TRIP12: variants seen among roughly 807,000 people sequenced by gnomAD.
The protein encoded by TRIP12 is thyroid hormone receptor interactor 12, also known as E3 ubiquitin-protein ligase TRIP12.
TRIP12 carries 25 observed loss-of-function variants against 244.2 expected under a neutral mutation model. The observed-to-expected ratio is 0.10, with a 90% confidence interval of 0.07 to 0.14. The LOEUF (loss-of-function observed/expected upper bound fraction) is 0.14. Among genes scored for constraint, TRIP12 ranks in the 10% least tolerant of loss-of-function variants. The probability of loss-of-function intolerance (pLI) is 1.00; values close to 1 mark genes in which losing one functional copy is unlikely to be tolerated. For synonymous variants in TRIP12, 905 were observed against 873.1 expected (o/e 1.04, Z -0.64); for missense variants, 1,677 against 2,486.4 (o/e 0.67, Z 6.92).
intron 2 of TRIP12, among the ~76,000 whole-genome samples, chr2:229,865,318 CAAAAAAAAAAAA>C (rs767610234): frequency 4.5e-5 from 3 of 66,996 alleles, no homozygotes; most frequent in African/African-American, 2.3e-4. Flanking sequence ...CTCTCAACTA[CAAAAAAAAAAAA>C]AAAAAAAAAA....
chr2:229,842,307 T>C (rs898705404), intron 4 of TRIP12, among the ~76,000 whole-genome samples: 17 of 152,222 alleles, frequency 1.1e-4, no homozygotes, highest in African/African-American at 4.1e-4. Context: ...ATATGCCTAA[T>C]ATCCTATGCT....
chr2:229,898,162 A>G (rs551993622), intron 1 of TRIP12, among the ~76,000 whole-genome samples: 6 of 152,348 alleles, frequency 3.9e-5, no homozygotes, highest in African/African-American at 1.4e-4. Flanking sequence ...TTCCATTCTT[A>G]AGGATTTCAT....
At position 229,764,621 on chromosome 2, in the gene TRIP12, T is replaced by C. The variant is rs1303607459; in HGVS notation, c.*2933A>G. On this transcript the variant is annotated 3_prime_UTR_variant, in exon 42 of 42. Coordinates refer to ENST00000675903, the MANE Select transcript of TRIP12 (RefSeq NM_001348323.3). ...CTAAGCCAGAAGGAAGACGGCAAAC[T>C]TACAACTTACTCGCGACAGTCCTCA... 6.6e-6 allele frequency: 1 copy of C among 152,226 alleles called. No individual in the cohort carries two copies. Among genetic ancestry groups the C allele is most frequent in the Non-Finnish European group, 1.5e-5 (1 of 68,046 alleles). 9.4% of individuals were successfully genotyped at this position (152,226 alleles called of 1,614,324 possible).
rs535387581 is a variant in TRIP12, at chr2:229,794,343, G to C, written c.3968+836C>G. On this transcript the variant is annotated intron_variant, in intron 26 of 41. Transcript: ENST00000675903. ...GCACTTTGGGAGGCCAAGGCAGGAG[G>C]ATCACTTGGGCCCAAGAGTTTGAGA... is the stretch of plus-strand genomic sequence containing the variant. Among the ~76,000 whole-genome samples the C allele has an allele frequency of 1.2e-3, 188 of 152,240 alleles. 1 individual carries two copies. The highest frequency in any genetic ancestry group is 0.01 in the Middle Eastern group (3 of 294).
chr2:229,864,047 A>AGAGAGAGAGTGAGTGT, intron 2 of TRIP12, among the ~76,000 whole-genome samples: 77 of 79,276 alleles, frequency 9.7e-4, no homozygotes, highest in South Asian at 3.6e-3. Flanking sequence ...AGAGAGAGAG[A>AGAGAGAGAGTGAGTGT]GTGTGTGTGT....
chr2:229,830,986 T>C (rs1447501855), intron 6 of TRIP12, 147 bp from the exon 7 acceptor site: 5 of 694,224 alleles, frequency 7.2e-6, no homozygotes, highest in Admixed American at 4.8e-5. Context: ...GCTGTTCTTC[T>C]AGACTTTATC....
intron 8 of TRIP12, among the ~76,000 whole-genome samples, chr2:229,827,452 C>T (rs892157873): frequency 1.3e-5 from 2 of 151,880 alleles, no homozygotes; most frequent in Non-Finnish European, 2.9e-5. Flanking sequence ...AAGCTTTTTC[C>T]TATTTTGAAA....
chr2:229,910,600 C>A (rs2074072397), intron 1 of TRIP12, among the ~76,000 whole-genome samples: 1 of 151,828 alleles, frequency 6.6e-6, no homozygotes, highest in Non-Finnish European at 1.5e-5. Context: ...GACAAGATAC[C>A]TGGAAAAAAT....
Position 229,796,669 on chromosome 2 carries a change from C to T in TRIP12, c.3738G>A (p.Leu1246=). Residue 1246 remains leucine (L), a synonymous_variant, in exon 25 of 42, where the codon TTG becomes TTA. Coordinates refer to ENST00000675903, the MANE Select transcript of TRIP12 (RefSeq NM_001348323.3). ...CAGCATCCTTTTCACTTTTAGATGT[C>T]AAATAAAGCAACAGCTGCTTCACAA... ...SGFVKQLLLY[L]TSKSEKDAVS... is the part of the protein sequence containing the mutation. The T allele has an allele frequency of 6.2e-7, 1 of 1,613,068 alleles. No individual in the cohort carries two copies. Among genetic ancestry groups the T allele is most frequent in the South Asian group, 1.1e-5 (1 of 90,840 alleles).
chr2:229,908,317 A>G lies in TRIP12; in HGVS notation c.-50+13563T>C, dbSNP rs555019769. Among the ~76,000 whole-genome samples, 11 of 152,374 alleles carry G rather than the reference A, an allele frequency of 7.2e-5. No homozygotes were observed. The South Asian group carries it at 2.3e-3, about 32-fold the overall frequency. ...AACCAGGAATTTAAATCTGAATTCA[A>G]GGTGGGCAAATATATACAGATGCAA... On this transcript the variant is annotated intron_variant, in intron 1 of 41. Transcript: ENST00000675903.
intron 17 of TRIP12, chr2:229,806,141 T>C (rs2045824169): frequency 3.3e-6 from 1 of 302,788 alleles, no homozygotes; most frequent in African/African-American, 2.1e-5. Flanking sequence ...AAAATCTTGA[T>C]GAAAGATCCA....
intron 37 of TRIP12, 94 bp from the exon 38 acceptor site, chr2:229,774,355 T>C (rs2035539326): frequency 7.6e-7 from 1 of 1,322,072 alleles, no homozygotes; most frequent in African/African-American, 1.5e-5. Context: ...ATATAAGCTA[T>C]CCTAATAAAG....
At chr2:229,837,957 G>C (rs1453651759) in intron 5 of TRIP12, among the ~76,000 whole-genome samples, 1 of 151,982 alleles carries the variant, frequency 6.6e-6, no homozygotes, top group Non-Finnish European at 1.5e-5. Flanking sequence ...GCAAACCAGG[G>C]AGAAGCAAAA....
chr2:229,791,666 A>G (rs1327010559), intron 29 of TRIP12, 200 bp downstream of exon 29: 6 of 602,862 alleles, frequency 1.0e-5, no homozygotes, highest in African/African-American at 7.4e-5. Flanking sequence ...ATGGATATAC[A>G]TTTTCCGGTA....
intron 1 of TRIP12, among the ~76,000 whole-genome samples, chr2:229,896,985 T>C (rs868176683): frequency 5.3e-5 from 8 of 152,288 alleles, no homozygotes; most frequent in East Asian, 1.9e-4. Flanking sequence ...TAATAACATA[T>C]CAATGTAGGT....
intron 6 of TRIP12, among the ~76,000 whole-genome samples, chr2:229,835,860 G>A (rs898189341): frequency 9.2e-5 from 14 of 152,232 alleles, no homozygotes; most frequent in Non-Finnish European, 1.9e-4. Context: ...TTAATGAGTT[G>A]CAATTAAATG....
intron 1 of TRIP12, among the ~76,000 whole-genome samples, chr2:229,919,665 A>G (rs746123308): frequency 3.9e-5 from 6 of 152,208 alleles, no homozygotes; most frequent in Non-Finnish European, 1.5e-5. Flanking sequence ...TAAGTAGTAT[A>G]AATGTCAGCT....
At chr2:229,914,530 GAAGA>G (rs1395021387) in intron 1 of TRIP12, among the ~76,000 whole-genome samples, 3 of 152,180 alleles carry the variant, frequency 2.0e-5, no homozygotes, top group Admixed American at 6.5e-5. Flanking sequence ...AATTACAACT[GAAGA>G]GAGAATTTCA....
chr2:229,859,375 A>G lies in TRIP12; in HGVS notation c.424T>C (p.Ser142Pro). The change falls in exon 4 of 42, where the codon TCT becomes CCT. Residue 142 changes from serine (S) to proline (P), a missense_variant. Ser to Pro is a moderately conservative substitution (Grantham distance 74). Around this residue, in one of 11 missense-constraint regions of TRIP12, gnomAD observed 387 missense variants for 392.6 expected, o/e 0.99. Transcript: ENST00000675903. ...KKPKALQHTE[S>P]PSETNKPHSK... ...TGTGGCTTATTTGTTTCTGAGGGAG[A>G]TTCAGTATGCTGAAGTGCTTTTGGT... is the stretch of plus-strand genomic sequence containing the variant. The G allele has an allele frequency of 6.2e-7, 1 of 1,614,062 alleles. No homozygotes were observed. Among genetic ancestry groups the G allele is most frequent in the Non-Finnish European group, 8.5e-7 (1 of 1,180,014 alleles).
Sources: allele counts gnomAD v4.1 joint callset (sites outside exome capture counted in the v4.1 genomes callset), GRCh38; gene constraint gnomAD v4.1.1; regional missense constraint gnomAD v4.1.1; transcripts MANE v1.5; gene names NCBI Gene and HGNC (gene_info 2026-07-23, HGNC 2026-07-21).